The following ASIC5 variants were observed in gnomAD, a reference collection of about 807,000 sequenced individuals.
ASIC5 encodes the protein acid sensing ion channel subunit family member 5.
A neutral mutation model predicts 51.2 loss-of-function variants in ASIC5; 52 were observed. The observed-to-expected ratio is 1.02, with a 90% CI of 0.81 to 1.28. The LOEUF is 1.28. Among genes scored for constraint, ASIC5 ranks in the 50% most tolerant of loss-of-function variants. The probability of loss-of-function intolerance (pLI) is 0.00; values close to 1 mark genes in which losing one functional copy is unlikely to be tolerated. For synonymous variants in ASIC5, 231 were observed against 200.7 expected, an observed-to-expected ratio of 1.15 and a Z score of -1.28; for missense variants, 635 against 595.0, an observed-to-expected ratio of 1.07 and a Z score of -0.70.
At chr4:155,862,841 T>C (rs1326577365) in intron 2 of ASIC5, among the ~76,000 whole-genome samples, 1 of 152,166 alleles carries the variant, frequency 6.6e-6, no homozygotes, top group African/African-American at 2.4e-5. Flanking sequence ...CCTCTTCCAT[T>C]TCTTCTTCAT....
chr4:155,846,350 G>C (rs1741241998), intron 4 of ASIC5, among the ~76,000 whole-genome samples: 1 of 152,034 alleles, frequency 6.6e-6, no homozygotes, highest in Non-Finnish European at 1.5e-5. Context: ...CAAACAGAAT[G>C]ATCATTACTT....
chr4:155,836,010 C>T (rs1432320342), intron 8 of ASIC5, among the ~76,000 whole-genome samples: 2 of 152,018 alleles, frequency 1.3e-5, no homozygotes, highest in Non-Finnish European at 2.9e-5. Context: ...TGTCCTAGTC[C>T]TAAAAATACA....
In ASIC5 at chr4:155,866,259, T is replaced by A; in HGVS notation, c.-33A>T. ...TTCAGTTAAGCAAGAGTCCTCAGGG[T>A]AACCCAATTTTCATCAATAACAGTA... is the stretch of plus-strand genomic sequence containing the variant. On this transcript the variant is annotated 5_prime_UTR_variant, in exon 1 of 10. Coordinates refer to ENST00000537611, the MANE Select transcript of ASIC5 (RefSeq NM_017419.3). The A allele has an allele frequency of 6.4e-7, 1 of 1,558,590 alleles. No homozygotes were observed. The highest frequency in any genetic ancestry group is 8.8e-7 in the Non-Finnish European group (1 of 1,133,368).
At chr4:155,853,823 G>A (rs1181852776) in intron 3 of ASIC5, among the ~76,000 whole-genome samples, 1 of 151,640 alleles carries the variant, frequency 6.6e-6, no homozygotes, top group African/African-American at 2.4e-5. Flanking sequence ...TTTTCTTTTG[G>A]AAGGACTATA....
chr4:155,844,227 C>T (rs1217100427), intron 4 of ASIC5, among the ~76,000 whole-genome samples: 1 of 152,020 alleles, frequency 6.6e-6, no homozygotes, highest in Non-Finnish European at 1.5e-5. Flanking sequence ...GATTGCTGAA[C>T]TCCAGGAACT....
At chr4:155,836,646 A>AG in intron 8 of ASIC5, 43 bp downstream of exon 8, 1 of 1,293,780 alleles carries the variant, frequency 7.7e-7, no homozygotes, top group Non-Finnish European at 1.1e-6. Context: ...AGAAAAAAAA[A>AG]TCTATGTTAA....
intron 2 of ASIC5, among the ~76,000 whole-genome samples, chr4:155,855,775 C>G (rs1283847737): frequency 2.0e-5 from 3 of 151,026 alleles, no homozygotes; most frequent in Non-Finnish European, 4.4e-5. Flanking sequence ...AAAATATTTA[C>G]TCTAAAAGAC....
At chr4:155,859,758 T>C (rs1237513375) in intron 2 of ASIC5, among the ~76,000 whole-genome samples, 1 of 152,058 alleles carries the variant, frequency 6.6e-6, no homozygotes, top group Admixed American at 6.6e-5. Context: ...CCATCCTCTT[T>C]TTACAATGGT....
chr4:155,856,300 G>T (rs1182572740), intron 2 of ASIC5, among the ~76,000 whole-genome samples: 1 of 151,904 alleles, frequency 6.6e-6, no homozygotes, highest in African/African-American at 2.4e-5. Flanking sequence ...AACACCCATG[G>T]CCCCCACAAT....
rs1409418049 is a variant in ASIC5, at chr4:155,831,901, T to A, written c.1250A>T (p.Lys417Ile). The A allele has an allele frequency of 1.9e-6, 3 of 1,579,056 alleles. No homozygotes were observed. The highest frequency in any genetic ancestry group is 1.7e-5 in the Admixed American group (1 of 59,334). ...SRKYIRENLV[K>I]IEINYSDLNY... ...TAGGTCACTATAGTTAATTTCAATT[T>A]TTACAAGATTCTCCCTAGGGATAAA... Residue 417 changes from lysine (K) to isoleucine (I), a missense_variant, in exon 9 of 10, where the codon AAA becomes ATA. Physicochemically the swap from Lys to Ile is moderately radical, Grantham distance 102. Transcript: ENST00000537611.
rs1351833053 is a variant in ASIC5, at chr4:155,863,675, G to C, written c.120C>G (p.Asp40Glu). The change falls in exon 2 of 10, where the codon GAC becomes GAG. Residue 40 changes from aspartate (D) to glutamate (E), a missense_variant. Asp to Glu is a conservative substitution (Grantham distance 45). Transcript: ENST00000537611. ...CATGAAAGGAAGTGGAGATGGCAAA[G>C]TCATGGTCAAACTTCTTTCGCTCAG... ...SPTERKKFDH[D>E]FAISTSFHGI... 7 of 1,613,784 alleles carry C rather than the reference G, an allele frequency of 4.3e-6. No homozygotes were observed. The African/African-American group carries it at 5.3e-5, about 12-fold the overall frequency.
At chr4:155,843,487 C>A (rs1741166974) in intron 5 of ASIC5, among the ~76,000 whole-genome samples, 194 bp downstream of exon 5, 2 of 152,082 alleles carry the variant, frequency 1.3e-5, no homozygotes, top group African/African-American at 4.8e-5. Context: ...ATAGGCTTCC[C>A]AGCTTTCACT....
chr4:155,836,397 C>T (rs555143505), intron 8 of ASIC5, among the ~76,000 whole-genome samples: 1 of 152,138 alleles, frequency 6.6e-6, no homozygotes, highest in Non-Finnish European at 1.5e-5. Context: ...TTTAAGGCAT[C>T]CATTATTATC....
In ASIC5 at chr4:155,852,336, C is replaced by T; in HGVS notation, c.586-20G>A. The T allele has an allele frequency of 8.3e-6, 13 of 1,559,804 alleles. No individual in the cohort carries two copies. Among genetic ancestry groups the T allele is most frequent in the Non-Finnish European group, 1.1e-5 (13 of 1,161,930 alleles). On this transcript the variant is annotated intron_variant, in intron 3 of 9. Coordinates refer to ENST00000537611, the MANE Select transcript of ASIC5 (RefSeq NM_017419.3). ...AAAATCCTCCAATATGTAAATGAAC[C>T]AAAAAAAACCATCAATTTGATATTT...
At chr4:155,849,114 TG>T (rs1244683113) in intron 4 of ASIC5, among the ~76,000 whole-genome samples, 3 of 152,112 alleles carry the variant, frequency 2.0e-5, no homozygotes, top group African/African-American at 7.2e-5. Flanking sequence ...TTTACTGGAA[TG>T]GTGTGCTTTC....
At chr4:155,851,273 C>A (rs775812724) in intron 4 of ASIC5, among the ~76,000 whole-genome samples, 1 of 151,894 alleles carries the variant, frequency 6.6e-6, no homozygotes, top group Non-Finnish European at 1.5e-5. Context: ...TAGGTACATG[C>A]ATTAAAGTTT....
chr4:155,857,501 T>TA (rs1169429146), intron 2 of ASIC5, among the ~76,000 whole-genome samples: 3 of 152,100 alleles, frequency 2.0e-5, no homozygotes, highest in Admixed American at 2.0e-4. Context: ...GAATTTGACT[T>TA]ACTCTAATTT....
chr4:155,832,538 C>T (rs1740892402), intron 8 of ASIC5, among the ~76,000 whole-genome samples: 2 of 152,160 alleles, frequency 1.3e-5, no homozygotes, highest in South Asian at 4.1e-4. Context: ...TAGCTCGTTA[C>T]ACGGTCTTGA....
rs762133295 is a variant in ASIC5, at chr4:155,831,846, C to G, written c.1305G>C (p.Ala435=). ...LNYKITQQQK[A]VSVSELLADL... is the part of the protein sequence containing the mutation. ...TACCAAGTAACTCAGACACACTCAC[C>G]GCCTTTTGCTGCTGGGTTATCTTAT... Residue 435 remains alanine, a synonymous_variant, in exon 9 of 10, where the codon GCG becomes GCC. Coordinates refer to ENST00000537611, the MANE Select transcript of ASIC5 (RefSeq NM_017419.3). 1.2e-6 allele frequency: 2 copies of G among 1,604,498 alleles called. No homozygotes were observed. The highest frequency in any genetic ancestry group is 1.3e-5 in the African/African-American group (1 of 74,608).
Sources: allele counts gnomAD v4.1 joint callset (sites outside exome capture counted in the v4.1 genomes callset), GRCh38; gene constraint gnomAD v4.1.1; transcripts MANE v1.5; gene names NCBI Gene and HGNC (gene_info 2026-07-23, HGNC 2026-07-21).